POU2AF3: variants seen among roughly 807,000 people sequenced by gnomAD.
POU2AF3 encodes cancer susceptibility candidate 13.
chr11:111,302,171 A>T, the POU2AF3 span, among the ~76,000 whole-genome samples: 1 of 152,218 alleles, frequency 6.6e-6, no homozygotes, highest in Non-Finnish European at 1.5e-5. Flanking sequence ...GAAGTTGCTC[A>T]TGGCAACGCT....
chr11:111,299,987 C>A, the POU2AF3 span: 2 of 398,012 alleles, frequency 5.0e-6, no homozygotes, highest in Non-Finnish European at 8.8e-6. Context: ...ACGCAGAGGT[C>A]GGAGCCTGCC....
At chr11:111,298,826 G>GCGGGGCCCCC in the POU2AF3 span, 1 of 790,962 alleles carries the variant, frequency 1.3e-6, no homozygotes, top group Non-Finnish European at 1.7e-6. Flanking sequence ...CGTACCCCAG[G>GCGGGGCCCCC]CCCCCGCCCG....
the POU2AF3 span, chr11:111,300,731 C>A: frequency 2.2e-6 from 1 of 452,558 alleles, no homozygotes; most frequent in East Asian, 3.8e-5. Flanking sequence ...CATTCCCAGA[C>A]CTGGCCTTCC....
the POU2AF3 span, chr11:111,300,546 A>G: frequency 4.9e-6 from 6 of 1,231,764 alleles, no homozygotes. Flanking sequence ...AGGTGTATCA[A>G]GGTGTCCGAG....
At chr11:111,298,825 G>GGCGGGGC in the POU2AF3 span, 2 of 852,674 alleles carry the variant, frequency 2.3e-6, no homozygotes, top group Non-Finnish European at 3.1e-6. Flanking sequence ...GCGTACCCCA[G>GGCGGGGC]GCCCCCGCCC....
At chr11:111,302,627 T>C in the POU2AF3 span, among the ~76,000 whole-genome samples, 7,242 of 152,250 alleles carry the variant, frequency 0.048, 557 homozygotes, top group African/African-American at 0.16. Flanking sequence ...TATTTAAATT[T>C]TTCTGAATTC....
the POU2AF3 span, chr11:111,304,781 A>G: frequency 9.3e-6 from 4 of 429,138 alleles, no homozygotes; most frequent in African/African-American, 2.0e-5. Flanking sequence ...AAACATTGAA[A>G]AAAAAAAAGA....
the POU2AF3 span, chr11:111,306,584 C>T: frequency 6.4e-7 from 1 of 1,551,792 alleles, no homozygotes. Flanking sequence ...ATTTCCCAGA[C>T]AGCTTCCAGG....
chr11:111,299,752 GTA>G, the POU2AF3 span: 1 of 1,225,284 alleles, frequency 8.2e-7, no homozygotes, highest in Admixed American at 4.2e-5. Context: ...GAAGGGGAGA[GTA>G]GGAGCGGGGG....
At chr11:111,298,736 C>T in the POU2AF3 span, 1 of 1,101,492 alleles carries the variant, frequency 9.1e-7, no homozygotes. Context: ...AGGACGCGAG[C>T]CACGCTGTGG....
the POU2AF3 span, chr11:111,306,323 T>C: frequency 1.2e-6 from 1 of 831,600 alleles, no homozygotes; most frequent in Non-Finnish European, 1.8e-6. Context: ...ATATTCAGAG[T>C]ATAGATCTCC....
chr11:111,308,558 A>G, the POU2AF3 span: 4 of 1,097,568 alleles, frequency 3.6e-6, no homozygotes, highest in South Asian at 1.7e-5. Context: ...ACATGTCACT[A>G]TTTCCAATTT....
chr11:111,308,491 G>A, the POU2AF3 span: 37 of 1,468,416 alleles, frequency 2.5e-5, no homozygotes, highest in Middle Eastern at 1.1e-3. Flanking sequence ...TTTCTACCAC[G>A]TCTAGATGAC....
the POU2AF3 span, among the ~76,000 whole-genome samples, chr11:111,304,347 G>A: frequency 5.3e-5 from 8 of 152,038 alleles, no homozygotes; most frequent in South Asian, 2.1e-4. Context: ...ATTTTAAATC[G>A]AATAGTTTAA....
the POU2AF3 span, chr11:111,306,735 A>C: frequency 0.02 from 16,049 of 804,588 alleles, 194 homozygotes; most frequent in East Asian, 0.058. Context: ...CAGCAAGGAA[A>C]TCATCCAAGG....
At chr11:111,300,600 C>CT in the POU2AF3 span, 1 of 1,231,996 alleles carries the variant, frequency 8.1e-7, no homozygotes, top group Non-Finnish European at 1.0e-6. Flanking sequence ...GACGGGCACA[C>CT]CAGGCGGCCT....
chr11:111,302,408 C>T, the POU2AF3 span, among the ~76,000 whole-genome samples: 11 of 152,146 alleles, frequency 7.2e-5, no homozygotes, highest in African/African-American at 1.9e-4. Context: ...TAAAATGTAA[C>T]GTTTCCTTAA....
chr11:111,298,845 C>G, the POU2AF3 span: 10 of 1,185,188 alleles, frequency 8.4e-6, no homozygotes, highest in African/African-American at 1.6e-5. Context: ...CGCCCTCCCA[C>G]GTATCCACTG....
At chr11:111,298,833 C>T in the POU2AF3 span, 5 of 538,460 alleles carry the variant, frequency 9.3e-6, no homozygotes, top group Non-Finnish European at 1.4e-5. Context: ...CAGGCCCCCG[C>T]CCGCCCTCCC....
Sources: gnomAD v4.1 joint callset for allele counts (sites outside exome capture counted in the v4.1 genomes callset) on GRCh38, gnomAD v4.1.1 for gene constraint, MANE v1.5 for transcripts, NCBI Gene and HGNC (gene_info 2026-07-23, HGNC 2026-07-21) for gene names.